Variants in EPHA2 observed in about 807,000 individuals in gnomAD.
EPHA2 encodes ephrin type-A receptor 2.
A neutral mutation model predicts 104.9 loss-of-function variants in EPHA2; 54 were observed. The observed-to-expected ratio is 0.51, with a 90% confidence interval of 0.41 to 0.65. The LOEUF (loss-of-function observed/expected upper bound fraction) is 0.65. Among genes scored for constraint, EPHA2 ranks in the 30% least tolerant of loss-of-function variants. The pLI, the probability that EPHA2 is intolerant of heterozygous loss-of-function variation, is 0.00. For missense variants in EPHA2, 1,117 were observed against 1,369.5 expected (o/e 0.82, Z 2.91); for synonymous variants, 560 against 559.1 (o/e 1.00, Z -0.02).
rs1217230512 is a variant in EPHA2, at chr1:16,134,700, A to G, written c.1583-133T>C. The G allele has an allele frequency of 6.1e-6, 6 of 985,432 alleles. No individual in the cohort carries two copies. The highest frequency in any genetic ancestry group is 9.5e-6 in the Non-Finnish European group (6 of 633,772). The allele number at this position is 985,432 out of a possible 1,614,324, so 61.0% of individuals were successfully genotyped here. ...CTTGGGAAGGCTCCAGAGGGTACTTAGTCCCATTTCATAGACGGTCAAGCG... is the reference window on the plus strand; with the variant it reads ...CTTGGGAAGGCTCCAGAGGGTACTTGGTCCCATTTCATAGACGGTCAAGCG... On this transcript the variant is annotated intron_variant, in intron 7 of 16. Coordinates refer to ENST00000358432, the MANE Select transcript of EPHA2 (RefSeq NM_004431.5). The surrounding 1 kb of genome is among the most constrained non-coding windows in gnomAD (Gnocchi z 4.5).
At chr1:16,144,438 AG>A (rs1231117578) in intron 3 of EPHA2, among the ~76,000 whole-genome samples, 1 of 152,204 alleles carries the variant, frequency 6.6e-6, no homozygotes, top group African/African-American at 2.4e-5. Flanking sequence ...TCCTGCCAGC[AG>A]CCCCTGCCAT....
At chr1:16,146,015 A>ACGG (rs2024925606) in intron 3 of EPHA2, among the ~76,000 whole-genome samples, 4 of 152,110 alleles carry the variant, frequency 2.6e-5, no homozygotes, top group African/African-American at 9.7e-5. Context: ...CCCTCGGACG[A>ACGG]CACCCGTCTA....
In EPHA2 at chr1:16,138,032, G is replaced by A. The variant is rs201266141; in HGVS notation, c.1133C>T (p.Pro378Leu). The A allele has an allele frequency of 6.2e-6, 10 of 1,613,390 alleles. No individual in the cohort carries two copies. Among genetic ancestry groups the A allele is most frequent in the African/African-American group, 2.7e-5 (2 of 74,936 alleles). The change falls in exon 5 of 17, where the codon CCG becomes CTG. Residue 378 changes from proline to leucine, a missense_variant. Physicochemically the swap from Pro to Leu is moderately conservative, Grantham distance 98. Transcript: ENST00000358432. Reference protein sequence around the residue: ...QCWPESGECGPCEASVRYSEP... With the variant: ...QCWPESGECGLCEASVRYSEP... ...CGAGTAGCGCACACTGGCCTCACAC[G>A]GCCCGCATTCCCCAGACTCGGGCCA...
intron 11 of EPHA2, 161 bp downstream of exon 11, chr1:16,133,019 T>C (rs1176546849): frequency 3.5e-6 from 3 of 866,956 alleles, no homozygotes; most frequent in Admixed American, 5.2e-5. Flanking sequence ...TGTTAGGAGG[T>C]GGGTACAGGT....
intron 3 of EPHA2, among the ~76,000 whole-genome samples, chr1:16,145,005 A>G (rs2024901309): frequency 6.6e-6 from 1 of 152,176 alleles, no homozygotes; most frequent in Non-Finnish European, 1.5e-5. Flanking sequence ...GGACCTCCCC[A>G]AGGGGCTGGG....
intron 16 of EPHA2, among the ~76,000 whole-genome samples, chr1:16,127,474 C>T (rs1192784800): frequency 6.6e-6 from 1 of 152,048 alleles, no homozygotes; most frequent in African/African-American, 2.4e-5. Context: ...GGGGACCAGG[C>T]AGCTGGTCCC....
intron 1 of EPHA2, among the ~76,000 whole-genome samples, chr1:16,152,857 C>G (rs2025069025): frequency 6.6e-6 from 1 of 152,192 alleles, no homozygotes; most frequent in Non-Finnish European, 1.5e-5. Context: ...GGAAGGAGCC[C>G]CCCCTGCAGG....
rs530638541 is a variant in EPHA2, at chr1:16,125,978, G to A, written c.2826-658C>T. ...TTAAACTTTGCGAGTCTTCATGGGT[G>A]AGGCTTGCGGGTCACCAGATCCAGT... On this transcript the variant is annotated intron_variant, in intron 16 of 16. Coordinates refer to ENST00000358432, the MANE Select transcript of EPHA2 (RefSeq NM_004431.5). This position sits in a 1 kb window ranked among gnomAD's most constrained non-coding sequence, Gnocchi z 4.9. Among the ~76,000 whole-genome samples the A allele has an allele frequency of 6.6e-6, 1 of 152,332 alleles. No individual in the cohort carries two copies. The highest frequency in any genetic ancestry group is 1.9e-4 in the East Asian group (1 of 5,188).
intron 3 of EPHA2, among the ~76,000 whole-genome samples, chr1:16,143,125 G>A (rs1400472754): frequency 6.7e-6 from 1 of 150,122 alleles, no homozygotes; most frequent in Admixed American, 6.6e-5. Context: ...GGGTGGTTTG[G>A]TGGGTTGGCG....
At chr1:16,151,504 G>A (rs528886211) in intron 1 of EPHA2, among the ~76,000 whole-genome samples, 8 of 151,756 alleles carry the variant, frequency 5.3e-5, no homozygotes, top group South Asian at 4.1e-4. Context: ...ATATGTACAC[G>A]TGCATCTTGC....
intron 3 of EPHA2, among the ~76,000 whole-genome samples, chr1:16,144,485 C>T (rs568658792): frequency 6.6e-6 from 1 of 152,314 alleles, no homozygotes; most frequent in South Asian, 2.1e-4. Flanking sequence ...CCACCTTAAC[C>T]ACAGACATAC....
chr1:16,126,667 G>A (rs1033673373), intron 16 of EPHA2, among the ~76,000 whole-genome samples: 1 of 152,210 alleles, frequency 6.6e-6, no homozygotes, highest in Non-Finnish European at 1.5e-5. Context: ...TGTGGTCCCT[G>A]GAAAAGCGCT....
At chr1:16,126,855 G>T (rs995588352) in intron 16 of EPHA2, among the ~76,000 whole-genome samples, 28 of 152,156 alleles carry the variant, frequency 1.8e-4, no homozygotes, top group Admixed American at 1.2e-3. Flanking sequence ...CTTGTCATCT[G>T]GGCCCATCAC....
chr1:16,125,006 C>T lies in EPHA2; in HGVS notation c.*209G>A, dbSNP rs1170642347. 5.4e-5 allele frequency: 33 copies of T among 606,262 alleles called. 1 individual carries two copies. The East Asian group carries it at 9.1e-4, about 17-fold the overall frequency. The allele number at this position is 606,262 out of a possible 1,614,324, so 37.6% of individuals were successfully genotyped here. A position where few individuals can be genotyped will look rare whatever the true frequency, so the allele number is the denominator to read the frequency against. On this transcript the variant is annotated 3_prime_UTR_variant, in exon 17 of 17. Coordinates refer to ENST00000358432, the MANE Select transcript of EPHA2 (RefSeq NM_004431.5). This position sits in a 1 kb window ranked among gnomAD's most constrained non-coding sequence, Gnocchi z 4.9. ...CTGCTAAGTGCTCAGCTGTGTGCGTCTCGCAGGGAAAGAGGGCCCAGCCCA... is the reference window on the plus strand; with the variant it reads ...CTGCTAAGTGCTCAGCTGTGTGCGTTTCGCAGGGAAAGAGGGCCCAGCCCA...
At chr1:16,137,695 T>C (rs950224719) in intron 5 of EPHA2, among the ~76,000 whole-genome samples, 158 bp downstream of exon 5, 16 of 152,254 alleles carry the variant, frequency 1.1e-4, no homozygotes, top group African/African-American at 3.6e-4. Flanking sequence ...TGGGGCCACA[T>C]GTGGCCCACG....
At position 16,125,751 on chromosome 1, in the gene EPHA2, T is replaced by C. The variant is rs1006692143; in HGVS notation, c.2826-431A>G. Among the ~76,000 whole-genome samples the C allele has an allele frequency of 2.6e-5, 4 of 152,078 alleles. No individual in the cohort carries two copies. The highest frequency in any genetic ancestry group is 4.4e-5 in the Non-Finnish European group (3 of 68,002). The stretch of plus-strand genomic sequence containing the variant: ...GAAGAGCTGGGAATCAAACCAGCTA[T>C]GAACAAATGCCTTCCCTCCCCTCAC... On this transcript the variant is annotated intron_variant, in intron 16 of 16. Coordinates refer to ENST00000358432, the MANE Select transcript of EPHA2 (RefSeq NM_004431.5). This position sits in a 1 kb window ranked among gnomAD's most constrained non-coding sequence, Gnocchi z 4.9.
Position 16,133,611 on chromosome 1 carries a change from AAGG to A in EPHA2, c.1739-8_1739-6del, listed in dbSNP as rs761318619. On this transcript the variant is annotated splice_region_variant and splice_polypyrimidine_tract_variant and intron_variant, in intron 9 of 16. Coordinates refer to ENST00000358432, the MANE Select transcript of EPHA2 (RefSeq NM_004431.5). The stretch of plus-strand genomic sequence containing the variant: ...TCTTCAGGGGCTTCAGTTGTTCTGG[AAGG>A]AGAAGGGGTGGGGTCACAGGCAGCT... 27 of 1,613,684 alleles carry A rather than the reference AAGG, an allele frequency of 1.7e-5. No homozygotes were observed. The highest frequency in any genetic ancestry group is 1.2e-4 in the Admixed American group (7 of 59,978).
Position 16,134,457 on chromosome 1 carries a change from C to T in EPHA2, c.1682+11G>A. On this transcript the variant is annotated intron_variant, in intron 8 of 16. Coordinates refer to ENST00000358432, the MANE Select transcript of EPHA2 (RefSeq NM_004431.5). This position sits in a 1 kb window ranked among gnomAD's most constrained non-coding sequence, Gnocchi z 4.5. ...AGCCCATGTGGAGCCAGGGTATGGG[C>T]TCTGACGAACCTGCGGTGGATAAAG... 2 of 1,613,938 alleles carry T rather than the reference C, an allele frequency of 1.2e-6. No individual in the cohort carries two copies. Among genetic ancestry groups the T allele is most frequent in the African/African-American group, 1.3e-5 (1 of 75,040 alleles).
rs1333613368 is a variant in EPHA2, at chr1:16,150,321, A to C, written c.153+575T>G. Among the ~76,000 whole-genome samples, 6 of 152,116 alleles carry C rather than the reference A, an allele frequency of 3.9e-5. No individual in the cohort carries two copies. Among genetic ancestry groups the C allele is most frequent in the Admixed American group, 3.9e-4 (6 of 15,276 alleles). On this transcript the variant is annotated intron_variant, in intron 2 of 16. Transcript: ENST00000358432. This position sits in a 1 kb window ranked among gnomAD's most constrained non-coding sequence, Gnocchi z 4.8. ...CACAGCAGACACACACAGCCAGGGG[A>C]AGAACCCCCAGCCCCTGCCCCCATT...
Sources: allele counts gnomAD v4.1 joint callset (sites outside exome capture counted in the v4.1 genomes callset), GRCh38; gene constraint gnomAD v4.1.1; non-coding constraint Gnocchi (gnomAD v3.1); transcripts MANE v1.5; gene names NCBI Gene and HGNC (gene_info 2026-07-23, HGNC 2026-07-21).